Variants in ALOX5 observed in about 807,000 individuals in gnomAD.
ALOX5 encodes polyunsaturated fatty acid 5-lipoxygenase.
In ALOX5, 64 loss-of-function variants were observed where a neutral mutation model predicts 87.9. The ratio of observed to expected loss-of-function variants is 0.73; its 90% CI spans 0.60 to 0.90. The LOEUF (loss-of-function observed/expected upper bound fraction) is 0.90. Ranked by LOEUF, ALOX5 falls within the 40% of genes least tolerant of loss-of-function variation. ALOX5 has a pLI of 0.00. For synonymous variants in ALOX5, 388 were observed against 355.1 expected, an observed-to-expected ratio of 1.09 and a Z score of -1.04; for missense variants, 822 against 907.5, an observed-to-expected ratio of 0.91 and a Z score of 1.21.
intron 2 of ALOX5, among the ~76,000 whole-genome samples, chr10:45,390,801 C>G (rs1265027548): frequency 6.6e-6 from 1 of 152,106 alleles, no homozygotes; most frequent in Non-Finnish European, 1.5e-5. Context: ...CAAGAGCAAA[C>G]ACATTCAAAA....
chr10:45,438,452 A>G (rs1050131323), intron 7 of ALOX5, among the ~76,000 whole-genome samples: 2 of 152,168 alleles, frequency 1.3e-5, no homozygotes, highest in African/African-American at 4.8e-5. Context: ...AGCCCCTAGC[A>G]CACAACAGGG....
At chr10:45,404,358 G>A (rs1031690158) in intron 3 of ALOX5, among the ~76,000 whole-genome samples, 4 of 152,326 alleles carry the variant, frequency 2.6e-5, no homozygotes, top group Middle Eastern at 3.4e-3. Flanking sequence ...GAAAGCTGGC[G>A]CTTCTTGCAG....
At chr10:45,382,448 C>T in intron 1 of ALOX5, 35 bp from the exon 2 acceptor site, 5 of 1,611,140 alleles carry the variant, frequency 3.1e-6, no homozygotes, top group African/African-American at 1.3e-5. Context: ...GCTCAGGAGA[C>T]CACGCATGGC....
intron 9 of ALOX5, chr10:45,441,713 C>T: frequency 4.4e-6 from 2 of 451,620 alleles, no homozygotes; most frequent in Non-Finnish European, 7.9e-6. Context: ...TGTAGACCCC[C>T]CTCTGGAACA....
At chr10:45,395,728 C>A in intron 2 of ALOX5, 127 bp from the exon 3 acceptor site, 1 of 718,812 alleles carries the variant, frequency 1.4e-6, no homozygotes, top group Non-Finnish European at 2.4e-6. Context: ...TGCTCTGAGG[C>A]TCAAATGAGG....
intron 2 of ALOX5, among the ~76,000 whole-genome samples, chr10:45,383,698 T>C (rs1839921173): frequency 6.6e-6 from 1 of 152,240 alleles, no homozygotes; most frequent in Non-Finnish European, 1.5e-5. Flanking sequence ...CTGTACCTGC[T>C]GTTCTTAAGC....
intron 1 of ALOX5, among the ~76,000 whole-genome samples, chr10:45,377,479 C>T (rs1276405753): frequency 6.6e-6 from 1 of 152,064 alleles, no homozygotes; most frequent in Non-Finnish European, 1.5e-5. Flanking sequence ...CTCTCAGAGG[C>T]CCCTTCTCTG....
At chr10:45,439,785 T>G (rs1842170002) in intron 7 of ALOX5, among the ~76,000 whole-genome samples, 1 of 152,106 alleles carries the variant, frequency 6.6e-6, no homozygotes, top group Non-Finnish European at 1.5e-5. Flanking sequence ...CTTGTCCCAG[T>G]GTGGAGTGGA....
At position 45,444,209 on chromosome 10, in the gene ALOX5, G is replaced by A. The variant is rs1284864382; in HGVS notation, c.1768G>A (p.Asp590Asn). The part of the protein sequence containing the change: ...KGVVTIEQIV[D>N]TLPDRGRSCW... ...CGTGGTGACCATTGAGCAGATCGTG[G>A]ACACGCTGCCCGACCGCGGCCGCTC... The change falls in exon 13 of 14, where the codon GAC becomes AAC. Residue 590 changes from aspartate (D) to asparagine (N), a missense_variant. Physicochemically the swap from Asp to Asn is conservative, Grantham distance 23 (BLOSUM62 1). Transcript: ENST00000374391. 1.3e-6 allele frequency: 2 copies of A among 1,555,692 alleles called. No homozygotes were observed. The highest frequency in any genetic ancestry group is 1.7e-6 in the Non-Finnish European group (2 of 1,149,624).
At chr10:45,443,389 C>A in intron 10 of ALOX5, 27 bp from the exon 11 acceptor site, 2 of 1,595,958 alleles carry the variant, frequency 1.3e-6, no homozygotes, top group Non-Finnish European at 1.7e-6. Flanking sequence ...GCTGGGTCGC[C>A]CACCCCGGCT....
At position 45,395,837 on chromosome 10, in the gene ALOX5, G is replaced by A. The variant is rs201348617; in HGVS notation, c.350-18G>A. On this transcript the variant is annotated intron_variant, in intron 2 of 13. Coordinates refer to ENST00000374391, the MANE Select transcript of ALOX5 (RefSeq NM_000698.5). ...TTGTTCTTCCTCAGGCTCCTCTCAT[G>A]TTGTTCTTTCTTTACAGCAAAGTTG... 6.2e-7 allele frequency: 1 copy of A among 1,612,526 alleles called. No individual in the cohort carries two copies. Among genetic ancestry groups the A allele is most frequent in the Non-Finnish European group, 8.5e-7 (1 of 1,178,496 alleles).
At chr10:45,414,635 A>G (rs1233270744) in intron 4 of ALOX5, among the ~76,000 whole-genome samples, 2 of 152,226 alleles carry the variant, frequency 1.3e-5, no homozygotes, top group African/African-American at 4.8e-5. Flanking sequence ...AGAAACTACC[A>G]TCAGAGTGAA....
At chr10:45,421,286 A>G (rs1841497011) in intron 4 of ALOX5, among the ~76,000 whole-genome samples, 1 of 152,190 alleles carries the variant, frequency 6.6e-6, no homozygotes, top group South Asian at 2.1e-4. Flanking sequence ...TTTCAGAGTA[A>G]ACCTCCTGTT....
intron 3 of ALOX5, among the ~76,000 whole-genome samples, chr10:45,405,896 G>A (rs1440851697): frequency 6.6e-6 from 1 of 152,020 alleles, no homozygotes; most frequent in Non-Finnish European, 1.5e-5. Flanking sequence ...GCGCCACCAT[G>A]CCCCACTCCT....
rs373181914 is a variant in ALOX5 at position 45,429,758 on chromosome 10, T to G, written c.981+994T>G. 3.2e-4 allele frequency among the ~76,000 whole-genome samples: 49 copies of G among 152,262 alleles called. No individual in the cohort carries two copies. The East Asian group carries it at 7.4e-3, about 23-fold the overall frequency. On this transcript the variant is annotated intron_variant, in intron 7 of 13. Transcript: ENST00000374391. Reference sequence around the variant, plus strand: ...GGAGGGGGTATGGCACATAATGAAGTATACCCACTGCTAAAATCCTAAAAA... The same window carrying G: ...GGAGGGGGTATGGCACATAATGAAGGATACCCACTGCTAAAATCCTAAAAA...
Position 45,441,277 on chromosome 10 carries a change from C to G in ALOX5, c.1186-67C>G, listed in dbSNP as rs41426046. ...AGGGCAGGCCTGGGTGGGGGAGCTG[C>G]GGGTCCCTGAGGCACCAGGTCACCT... On this transcript the variant is annotated intron_variant, in intron 8 of 13. Coordinates refer to ENST00000374391, the MANE Select transcript of ALOX5 (RefSeq NM_000698.5). 4 of 1,426,346 alleles carry G rather than the reference C, an allele frequency of 2.8e-6. No homozygotes were observed. The East Asian group carries it at 6.9e-5, about 24-fold the overall frequency. The allele number at this position is 1,426,346 out of a possible 1,614,324, so 88.4% of individuals were successfully genotyped here. A position where few individuals can be genotyped will look rare whatever the true frequency, so the allele number is the denominator to read the frequency against.
chr10:45,397,628 G>T (rs1244156027), intron 3 of ALOX5, among the ~76,000 whole-genome samples: 2 of 151,788 alleles, frequency 1.3e-5, no homozygotes, highest in Non-Finnish European at 2.9e-5. Context: ...TTCACCAAAA[G>T]AAATTATTAG....
At chr10:45,418,325 TC>T (rs1411506787) in intron 4 of ALOX5, among the ~76,000 whole-genome samples, 2 of 151,930 alleles carry the variant, frequency 1.3e-5, no homozygotes, top group Non-Finnish European at 2.9e-5. Context: ...TCGTCTAAGT[TC>T]CCTGAGCCTC....
intron 4 of ALOX5, 51 bp downstream of exon 4, chr10:45,412,364 G>A (rs1212814477): frequency 6.2e-7 from 1 of 1,606,488 alleles, no homozygotes. Context: ...AGTGGCTGGT[G>A]CTGGGGGTGG....
Sources: gnomAD v4.1 joint callset for allele counts (sites outside exome capture counted in the v4.1 genomes callset) on GRCh38, gnomAD v4.1.1 for gene constraint, MANE v1.5 for transcripts, NCBI Gene and HGNC (gene_info 2026-07-23, HGNC 2026-07-21) for gene names.